Variants in ANKS1B observed in about 807,000 individuals in gnomAD.
ANKS1B encodes ankyrin repeat and sterile alpha motif domain containing 1B, also known as ankyrin repeat and sterile alpha motif domain-containing protein 1B.
In ANKS1B, 36 loss-of-function variants were observed where a neutral mutation model predicts 148.3. The observed-to-expected ratio is 0.24, with a 90% confidence interval of 0.19 to 0.32. The LOEUF is 0.32. Ranked by LOEUF, ANKS1B falls within the 10% of genes least tolerant of loss-of-function variation. ANKS1B has a pLI of 1.00. For synonymous variants in ANKS1B, 542 were observed against 560.8 expected (o/e 0.97, Z 0.47); for missense variants, 1,157 against 1,542.6 (o/e 0.75, Z 4.19).
At chr12:99,970,929 C>A (rs2095550165) in intron 1 of ANKS1B, among the ~76,000 whole-genome samples, 1 of 152,084 alleles carries the variant, frequency 6.6e-6, no homozygotes, top group African/African-American at 2.4e-5. Flanking sequence ...AGATCTATCC[C>A]ATTATTCTGC....
intron 8 of ANKS1B, among the ~76,000 whole-genome samples, chr12:99,752,776 T>G (rs1360564454): frequency 6.6e-6 from 1 of 152,028 alleles, no homozygotes; most frequent in Non-Finnish European, 1.5e-5. Context: ...AAAATATGAC[T>G]AGAATTCATT....
At chr12:99,745,846 T>TAGA (rs2060543322) in intron 8 of ANKS1B, among the ~76,000 whole-genome samples, 1 of 152,038 alleles carries the variant, frequency 6.6e-6, no homozygotes, top group Non-Finnish European at 1.5e-5. Context: ...TGATACAATA[T>TAGA]TTAACTACTG....
intron 1 of ANKS1B, among the ~76,000 whole-genome samples, chr12:99,982,210 T>A (rs3851624): frequency 0.54 from 82,582 of 151,694 alleles, 24,644 homozygotes; most frequent in African/African-American, 0.76. Flanking sequence ...CTACTACTAC[T>A]ACACCAGCAA....
At chr12:99,419,060 T>C (rs2095001704) in intron 11 of ANKS1B, among the ~76,000 whole-genome samples, 1 of 152,206 alleles carries the variant, frequency 6.6e-6, no homozygotes, top group East Asian at 1.9e-4. Context: ...TTTTTGTCTA[T>C]ATTCATGAGG....
intron 1 of ANKS1B, among the ~76,000 whole-genome samples, chr12:99,853,326 T>A (rs2088312970): frequency 1.3e-5 from 2 of 151,858 alleles, no homozygotes; most frequent in Non-Finnish European, 1.5e-5. Context: ...CCCCATAGAG[T>A]CCGCTTTGCT....
At chr12:98,967,805 T>TAC (rs1424956351) in intron 17 of ANKS1B, among the ~76,000 whole-genome samples, 4 of 143,618 alleles carry the variant, frequency 2.8e-5, no homozygotes, top group Non-Finnish European at 6.1e-5. Context: ...ACCTAAATCA[T>TAC]ACAGTCCTTT....
intron 16 of ANKS1B, among the ~76,000 whole-genome samples, chr12:99,054,129 G>T (rs1025574134): frequency 6.6e-6 from 1 of 152,054 alleles, no homozygotes; most frequent in Admixed American, 6.6e-5. Context: ...CTTGGTTTTC[G>T]AAGTGACTCA....
intron 9 of ANKS1B, among the ~76,000 whole-genome samples, chr12:99,580,762 T>C (rs1303215822): frequency 2.0e-5 from 3 of 152,210 alleles, no homozygotes; most frequent in Admixed American, 6.5e-5. Flanking sequence ...TCCCAATACA[T>C]AGAAATGATC....
At chr12:99,717,899 C>CTTTTTTT (rs943618905) in intron 8 of ANKS1B, among the ~76,000 whole-genome samples, 4 of 111,088 alleles carry the variant, frequency 3.6e-5, no homozygotes, top group Non-Finnish European at 5.3e-5. Context: ...AGACAATACT[C>CTTTTTTT]TTTTTTTTTT....
At chr12:99,868,195 C>T (rs1339054798) in intron 1 of ANKS1B, among the ~76,000 whole-genome samples, 1 of 152,094 alleles carries the variant, frequency 6.6e-6, no homozygotes. Flanking sequence ...TAGTGGTTGT[C>T]CTTTGGGAGT....
At chr12:99,189,974 T>G (rs2080424326) in intron 14 of ANKS1B, among the ~76,000 whole-genome samples, 1 of 152,194 alleles carries the variant, frequency 6.6e-6, no homozygotes, top group African/African-American at 2.4e-5. Context: ...CTTAAGCTGA[T>G]AAGCAACTTC....
chr12:99,387,579 G>A (rs1448635014), intron 12 of ANKS1B, among the ~76,000 whole-genome samples: 2 of 139,340 alleles, frequency 1.4e-5, no homozygotes, highest in African/African-American at 6.5e-5. Flanking sequence ...CTGGGCGACA[G>A]AGTGAGACTC....
chr12:99,405,951 A>G lies in ANKS1B; in HGVS notation c.1576-6140T>C, dbSNP rs536078989. On this transcript the variant is annotated intron_variant, in intron 11 of 26. Transcript: ENST00000683438. ...ATAAAAACAGACAAAAAATCATTAC[A>G]TAATGATAAAGGGTGAAAATCAAGA... Among the ~76,000 whole-genome samples, 18 of 146,092 alleles carry G rather than the reference A, an allele frequency of 1.2e-4. 3 individuals are homozygous for G. Among genetic ancestry groups the G allele is most frequent in the African/African-American group, 4.4e-4 (17 of 38,726 alleles).
intron 8 of ANKS1B, among the ~76,000 whole-genome samples, chr12:99,710,601 CA>C (rs78245633): frequency 0.17 from 25,408 of 151,934 alleles, 2,625 homozygotes; most frequent in East Asian, 0.47. Context: ...CCTTCAGTAG[CA>C]AAAATTCCTT....
At chr12:98,845,816 A>G (rs937848089) in intron 17 of ANKS1B, among the ~76,000 whole-genome samples, 6 of 152,056 alleles carry the variant, frequency 3.9e-5, no homozygotes, top group African/African-American at 1.4e-4. Context: ...TTACCTTTAG[A>G]TAATGAGGTG....
intron 12 of ANKS1B, among the ~76,000 whole-genome samples, chr12:99,321,354 C>G (rs2085232547): frequency 6.6e-6 from 1 of 152,230 alleles, no homozygotes; most frequent in Non-Finnish European, 1.5e-5. Context: ...GGGCTCCACC[C>G]AGTTCAAGCT....
chr12:99,423,483 G>A (rs1490559230), intron 11 of ANKS1B, among the ~76,000 whole-genome samples: 1 of 152,016 alleles, frequency 6.6e-6, no homozygotes, highest in African/African-American at 2.4e-5. Flanking sequence ...CGCATTACTG[G>A]GTATGTACCC....
chr12:99,117,322 A>G (rs944211917), intron 15 of ANKS1B, among the ~76,000 whole-genome samples: 2 of 152,122 alleles, frequency 1.3e-5, no homozygotes, highest in Admixed American at 1.3e-4. Flanking sequence ...TCAGTATGAT[A>G]TGGGCTGTGG....
intron 12 of ANKS1B, among the ~76,000 whole-genome samples, chr12:99,310,218 A>G (rs1286468254): frequency 6.6e-6 from 1 of 152,144 alleles, no homozygotes; most frequent in Non-Finnish European, 1.5e-5. Flanking sequence ...AGGAAAATAT[A>G]CCCTGTATCA....
Sources: allele counts gnomAD v4.1 joint callset (sites outside exome capture counted in the v4.1 genomes callset), GRCh38; gene constraint gnomAD v4.1.1; transcripts MANE v1.5; gene names NCBI Gene and HGNC (gene_info 2026-07-23, HGNC 2026-07-21).